Variants in SLC2A14 observed in about 807,000 individuals in gnomAD.
SLC2A14 encodes the protein solute carrier family 2, facilitated glucose transporter member 14.
In SLC2A14, 13 loss-of-function variants were observed where a neutral mutation model predicts 43.0. That is an observed-to-expected ratio of 0.30 (90% CI 0.20 to 0.48). The LOEUF (loss-of-function observed/expected upper bound fraction) is 0.48. Ranked by LOEUF, SLC2A14 falls within the 20% of genes least tolerant of loss-of-function variation. The pLI is 0.99. For synonymous variants in SLC2A14, 190 were observed against 233.8 expected (o/e 0.81, Z 1.71); for missense variants, 428 against 620.4 (o/e 0.69, Z 3.29).
At chr12:7,883,661 A>T (rs1328356396) in intron 1 of SLC2A14, among the ~76,000 whole-genome samples, 1 of 115,882 alleles carries the variant, frequency 8.6e-6, no homozygotes, top group Non-Finnish European at 1.7e-5. Flanking sequence ...GTCTCGGCTC[A>T]CAGCCTCTGC....
intron 2 of SLC2A14, among the ~76,000 whole-genome samples, chr12:7,859,262 T>C (rs1468865927): frequency 6.6e-6 from 1 of 152,040 alleles, no homozygotes; most frequent in African/African-American, 2.4e-5. Flanking sequence ...TAGTGGCGCA[T>C]GCCTGTAATC....
intron 2 of SLC2A14, among the ~76,000 whole-genome samples, chr12:7,868,669 AGCCT>A (rs1945052758): frequency 6.6e-6 from 1 of 152,200 alleles, no homozygotes; most frequent in Non-Finnish European, 1.5e-5. Context: ...GCTACATATT[AGCCT>A]GTAACTTGTT....
At chr12:7,883,805 G>T (rs974082002) in intron 1 of SLC2A14, among the ~76,000 whole-genome samples, 1 of 149,828 alleles carries the variant, frequency 6.7e-6, no homozygotes, top group Non-Finnish European at 1.5e-5. Flanking sequence ...AGATGGTCTC[G>T]ATCTCTTGAC....
intron 2 of SLC2A14, among the ~76,000 whole-genome samples, chr12:7,864,627 C>T (rs1242994042): frequency 1.3e-5 from 2 of 152,198 alleles, no homozygotes; most frequent in East Asian, 1.9e-4. Context: ...CGTGAGCCAC[C>T]GTGCCCGGCT....
At chr12:7,842,440 C>G (rs1866034959) in intron 2 of SLC2A14, among the ~76,000 whole-genome samples, 1 of 152,210 alleles carries the variant, frequency 6.6e-6, no homozygotes, top group Admixed American at 6.5e-5. Context: ...GTCATCTTCA[C>G]TTGATCTTAG....
rs1312395381 is a variant in SLC2A14 at position 7,826,897 on chromosome 12, C to CT, written c.864+597dup. On this transcript the variant is annotated intron_variant, in intron 7 of 10. Coordinates refer to ENST00000431042, the MANE Select transcript of SLC2A14 (RefSeq NM_001286234.2). ...TCTTTCTTTCTTTCTTTCTTTCTTT[C>CT]TTTCTTTCTTTCTTTCTTTTTCCTT... 1.9e-4 allele frequency among the ~76,000 whole-genome samples: 12 copies of CT among 64,082 alleles called. 3 individuals carry two copies. The highest frequency in any genetic ancestry group is 1.1e-3 in the Admixed American group (7 of 6,284). 42.0% of individuals were successfully genotyped at this position (64,082 alleles called of 152,430 possible).
At chr12:7,834,610 T>C (rs921543646) in intron 2 of SLC2A14, among the ~76,000 whole-genome samples, 3 of 146,298 alleles carry the variant, frequency 2.1e-5, no homozygotes, top group Non-Finnish European at 3.0e-5. Context: ...CAGGTGCCTA[T>C]AGACCCAGCT....
At position 7,831,587 on chromosome 12, in the gene SLC2A14, C is replaced by T; in HGVS notation, c.272+17G>A. The T allele has an allele frequency of 6.2e-7, 1 of 1,613,740 alleles. No homozygotes were observed. On this transcript the variant is annotated intron_variant, in intron 4 of 10. Coordinates refer to ENST00000431042, the MANE Select transcript of SLC2A14 (RefSeq NM_001286234.2). ...ATCTGGTAGAGCCCACTTCCTTGCC[C>T]AGTTTCTAGTCAATACCTGCCAAAG...
intron 3 of SLC2A14, 67 bp from the exon 4 acceptor site, chr12:7,831,831 G>C: frequency 6.3e-7 from 1 of 1,585,356 alleles, no homozygotes; most frequent in East Asian, 2.2e-5. Context: ...CAAATATGCT[G>C]GGTGCAGTGG....
chr12:7,821,785 G>A (rs1468098522), intron 7 of SLC2A14, among the ~76,000 whole-genome samples: 1 of 151,354 alleles, frequency 6.6e-6, no homozygotes, highest in Non-Finnish European at 1.5e-5. Flanking sequence ...CACGATTACA[G>A]GCTCCTGCCA....
chr12:7,852,726 G>A (rs1249873644), intron 2 of SLC2A14, among the ~76,000 whole-genome samples: 1 of 152,040 alleles, frequency 6.6e-6, no homozygotes, highest in Non-Finnish European at 1.5e-5. Context: ...CTGGGAGCAA[G>A]TCACCACTGT....
At chr12:7,890,302 C>A (rs1368749977) in intron 1 of SLC2A14, among the ~76,000 whole-genome samples, 1 of 151,836 alleles carries the variant, frequency 6.6e-6, no homozygotes, top group African/African-American at 2.4e-5. Flanking sequence ...TCCTGCTAAA[C>A]AACAGTATTG....
At chr12:7,845,387 C>T (rs994727101) in intron 2 of SLC2A14, among the ~76,000 whole-genome samples, 3 of 152,122 alleles carry the variant, frequency 2.0e-5, no homozygotes, top group African/African-American at 7.2e-5. Context: ...CTATGTATGT[C>T]AACTGTATTG....
upstream of SLC2A14, chr12:7,872,938 G>A (rs2121078084): frequency 1.0e-6 from 1 of 985,460 alleles, no homozygotes; most frequent in Non-Finnish European, 1.2e-6. Context: ...CCTAGGATTC[G>A]ACTTTGAATG....
At position 7,845,010 on chromosome 12, in the gene SLC2A14, T is replaced by C. The variant is rs1001899874; in HGVS notation, c.19-12196A>G. 6.6e-5 allele frequency among the ~76,000 whole-genome samples: 10 copies of C among 152,250 alleles called. No homozygotes were observed. The East Asian group carries it at 1.2e-3, about 18-fold the overall frequency. On this transcript the variant is annotated intron_variant, in intron 2 of 10. Coordinates refer to ENST00000431042, the MANE Select transcript of SLC2A14 (RefSeq NM_001286234.2). ...TATAGGTGCAAAAACTGAAAGAGAA[T>C]TTAAATGATCAATTTAAGGTCAGAA...
chr12:7,827,196 C>T (rs767020433), intron 7 of SLC2A14, among the ~76,000 whole-genome samples: 5 of 151,156 alleles, frequency 3.3e-5, no homozygotes, highest in African/African-American at 7.3e-5. Flanking sequence ...CTGCAACCTC[C>T]GCCTCCCAGA....
intron 3 of SLC2A14, 49 bp downstream of exon 3, chr12:7,832,673 G>T (rs1865134201): frequency 6.3e-7 from 1 of 1,597,352 alleles, no homozygotes; most frequent in Non-Finnish European, 8.6e-7. Context: ...CCTACTTAAA[G>T]GAATAATTTC....
At chr12:7,823,135 C>T (rs985948677) in intron 7 of SLC2A14, among the ~76,000 whole-genome samples, 2 of 152,102 alleles carry the variant, frequency 1.3e-5, no homozygotes, top group Non-Finnish European at 2.9e-5. Flanking sequence ...GTAATCCCAG[C>T]AATTTGGGAG....
intron 1 of SLC2A14, among the ~76,000 whole-genome samples, chr12:7,888,797 CAAAAAAAAA>C (rs138233883): frequency 9.6e-6 from 1 of 104,356 alleles, no homozygotes; most frequent in Non-Finnish European, 1.9e-5. Context: ...GACTCCGTCT[CAAAAAAAAA>C]AAAAAAAAAG....
Sources: gnomAD v4.1 joint callset for allele counts (sites outside exome capture counted in the v4.1 genomes callset) on GRCh38, gnomAD v4.1.1 for gene constraint, MANE v1.5 for transcripts, NCBI Gene and HGNC (gene_info 2026-07-23, HGNC 2026-07-21) for gene names.